Variants in HHAT observed in about 807,000 individuals in gnomAD.
The protein encoded by HHAT is protein-cysteine N-palmitoyltransferase HHAT.
Under a neutral mutation model 70.8 loss-of-function variants are expected in HHAT, and 47 were observed. That is an observed-to-expected ratio of 0.66 (90% CI 0.53 to 0.85). HHAT has a LOEUF of 0.85. Among genes scored for constraint, HHAT ranks in the 40% least tolerant of loss-of-function variants. The pLI is 0.00. For synonymous variants in HHAT, 228 were observed against 247.6 expected (o/e 0.92, Z 0.74); for missense variants, 609 against 604.8 (o/e 1.01, Z -0.07).
intron 7 of HHAT, among the ~76,000 whole-genome samples, chr1:210,455,069 A>G (rs893525212): frequency 2.0e-5 from 3 of 152,174 alleles, no homozygotes; most frequent in Non-Finnish European, 4.4e-5. Context: ...GGAGGCCAGG[A>G]GGCAATTTTC....
At chr1:210,628,642 C>T (rs1359470717) in intron 11 of HHAT, among the ~76,000 whole-genome samples, 1 of 152,210 alleles carries the variant, frequency 6.6e-6, no homozygotes, top group Admixed American at 6.5e-5. Flanking sequence ...GAGAGAGGAG[C>T]TGGTAATTTT....
chr1:210,574,410 T>C (rs558794660), intron 9 of HHAT, among the ~76,000 whole-genome samples: 1 of 152,240 alleles, frequency 6.6e-6, no homozygotes, highest in South Asian at 2.1e-4. Context: ...AAGAGGCAGT[T>C]GGAGAATGAC....
At chr1:210,502,029 T>C (rs1489640843) in intron 8 of HHAT, among the ~76,000 whole-genome samples, 3 of 150,896 alleles carry the variant, frequency 2.0e-5, no homozygotes, top group Non-Finnish European at 4.4e-5. Flanking sequence ...TTCTTCTTTT[T>C]TTTTTTTTTT....
intron 9 of HHAT, among the ~76,000 whole-genome samples, chr1:210,521,551 A>G (rs530113806): frequency 4.6e-5 from 7 of 152,316 alleles, no homozygotes; most frequent in Admixed American, 4.6e-4. Flanking sequence ...ATTGGATACC[A>G]CAAGTCTATC....
chr1:210,545,207 C>T (rs537806819), intron 9 of HHAT, among the ~76,000 whole-genome samples: 123 of 152,266 alleles, frequency 8.1e-4, no homozygotes, highest in African/African-American at 2.9e-3. Flanking sequence ...CTTGTTCAGG[C>T]CTCTTCTCTT....
chr1:210,384,932 A>T (rs1024957707), intron 3 of HHAT, among the ~76,000 whole-genome samples: 13 of 152,158 alleles, frequency 8.5e-5, no homozygotes, highest in African/African-American at 2.9e-4. Context: ...CATTTCCCTT[A>T]GGTAACTTTT....
At chr1:210,355,562 C>T (rs192918571) in intron 2 of HHAT, among the ~76,000 whole-genome samples, 10 of 152,110 alleles carry the variant, frequency 6.6e-5, no homozygotes, top group Non-Finnish European at 1.3e-4. Context: ...ACAAACCTAC[C>T]GTGACCATGG....
chr1:210,343,375 C>T (rs1017587492), intron 1 of HHAT, among the ~76,000 whole-genome samples: 2 of 152,312 alleles, frequency 1.3e-5, no homozygotes. Context: ...TTTCTGCCTT[C>T]GTCCTCCTTC....
chr1:210,411,009 A>G (rs2092533704), intron 6 of HHAT, among the ~76,000 whole-genome samples: 1 of 152,232 alleles, frequency 6.6e-6, no homozygotes, highest in Non-Finnish European at 1.5e-5. Flanking sequence ...TAAGAAGCCA[A>G]TGCATGACAA....
At chr1:210,570,795 T>TGAC in intron 9 of HHAT, among the ~76,000 whole-genome samples, 1 of 152,218 alleles carries the variant, frequency 6.6e-6, no homozygotes, top group Middle Eastern at 3.4e-3. Context: ...AGTCATAAGG[T>TGAC]GACGCAGCAG....
intron 11 of HHAT, among the ~76,000 whole-genome samples, chr1:210,660,071 C>A (rs565605237): frequency 3.9e-5 from 6 of 152,102 alleles, no homozygotes; most frequent in African/African-American, 7.2e-5. Flanking sequence ...CTGGCCAGGG[C>A]AATCAGGAGA....
At chr1:210,450,891 G>C (rs2093741108) in intron 7 of HHAT, among the ~76,000 whole-genome samples, 1 of 151,876 alleles carries the variant, frequency 6.6e-6, no homozygotes, top group African/African-American at 2.4e-5. Flanking sequence ...GACCATCCTG[G>C]CTAACACGGT....
chr1:210,460,165 C>G (rs2093950688), intron 7 of HHAT, among the ~76,000 whole-genome samples: 1 of 152,144 alleles, frequency 6.6e-6, no homozygotes, highest in Admixed American at 6.5e-5. Context: ...GGCAGACCAC[C>G]TTTGGAATTA....
At chr1:210,559,671 A>G (rs2095603780) in intron 9 of HHAT, among the ~76,000 whole-genome samples, 1 of 152,232 alleles carries the variant, frequency 6.6e-6, no homozygotes, top group South Asian at 2.1e-4. Flanking sequence ...GGTCAGAGAC[A>G]GAAATCCAGA....
chr1:210,428,381 T>G (rs540276485), intron 7 of HHAT, among the ~76,000 whole-genome samples: 1 of 146,600 alleles, frequency 6.8e-6, no homozygotes, highest in Non-Finnish European at 1.5e-5. Context: ...AGTTAAATGA[T>G]CTCTATCCTT....
intron 11 of HHAT, among the ~76,000 whole-genome samples, chr1:210,659,764 G>A (rs1023689986): frequency 3.3e-5 from 5 of 152,092 alleles, no homozygotes; most frequent in African/African-American, 1.2e-4. Flanking sequence ...CTGGTTCAAC[G>A]TATGCAAATC....
intron 9 of HHAT, among the ~76,000 whole-genome samples, chr1:210,533,675 A>G (rs1051010648): frequency 3.9e-4 from 60 of 152,194 alleles, no homozygotes; most frequent in African/African-American, 1.4e-3. Flanking sequence ...TTCAGAGGGA[A>G]AAAATCAAGC....
chr1:210,584,050 T>C (rs564022655), intron 9 of HHAT, among the ~76,000 whole-genome samples: 1 of 139,140 alleles, frequency 7.2e-6, no homozygotes, highest in South Asian at 2.4e-4. Flanking sequence ...TTCAAGCAAT[T>C]CCCGGGCTAA....
At chr1:210,340,414 C>G (rs1416086696) in intron 1 of HHAT, among the ~76,000 whole-genome samples, 3 of 152,122 alleles carry the variant, frequency 2.0e-5, no homozygotes, top group Non-Finnish European at 4.4e-5. Context: ...TCTCATACCA[C>G]TTTTTCCGAA....
Sources: gnomAD v4.1 joint callset for allele counts (sites outside exome capture counted in the v4.1 genomes callset) on GRCh38, gnomAD v4.1.1 for gene constraint, MANE v1.5 for transcripts, NCBI Gene and HGNC (gene_info 2026-07-23, HGNC 2026-07-21) for gene names.